SLC4A5: variants seen among roughly 807,000 people sequenced by gnomAD.
SLC4A5 encodes the protein electrogenic sodium bicarbonate cotransporter 4.
Under a neutral mutation model 120.4 loss-of-function variants are expected in SLC4A5, and 96 were observed. That is an observed-to-expected ratio of 0.80 (90% CI 0.68 to 0.94). The LOEUF (loss-of-function observed/expected upper bound fraction) is 0.94, where lower values mean the gene tolerates loss of function less well. Ranked by LOEUF, SLC4A5 falls within the 40% of genes least tolerant of loss-of-function variation. The pLI, the probability that SLC4A5 is intolerant of heterozygous loss-of-function variation, is 0.00. For missense variants in SLC4A5, 1,259 were observed against 1,459.5 expected (o/e 0.86, Z 2.24); for synonymous variants, 550 against 571.1 (o/e 0.96, Z 0.53).
At chr2:74,334,571 C>T (rs192756683) in intron 3 of SLC4A5, among the ~76,000 whole-genome samples, 24 of 152,152 alleles carry the variant, frequency 1.6e-4, no homozygotes, top group South Asian at 6.2e-4. Context: ...TCCAAAACCA[C>T]AGTATGTGTT....
At chr2:74,271,253 A>T (rs987805537) in intron 8 of SLC4A5, among the ~76,000 whole-genome samples, 2 of 152,158 alleles carry the variant, frequency 1.3e-5, no homozygotes, top group Non-Finnish European at 2.9e-5. Flanking sequence ...AGCCTCTGCC[A>T]GTTATTCTGC....
intron 2 of SLC4A5, among the ~76,000 whole-genome samples, chr2:74,341,644 C>T (rs1673629437): frequency 6.6e-6 from 1 of 152,228 alleles, no homozygotes; most frequent in Non-Finnish European, 1.5e-5. Context: ...TGTGCTCACA[C>T]TGTGCCCGAC....
At chr2:74,324,422 A>C (rs1673171000) in intron 5 of SLC4A5, among the ~76,000 whole-genome samples, 1 of 152,116 alleles carries the variant, frequency 6.6e-6, no homozygotes, top group Admixed American at 6.5e-5. Flanking sequence ...AGCTCCAGAA[A>C]GCTTGTTAAA....
intron 19 of SLC4A5, among the ~76,000 whole-genome samples, chr2:74,246,738 T>C (rs1051790202): frequency 6.6e-6 from 1 of 152,180 alleles, no homozygotes; most frequent in Non-Finnish European, 1.5e-5. Context: ...AACCCCTGAG[T>C]GGCACTCCTG....
Position 74,342,540 on chromosome 2 carries a change from TGGAG to T in SLC4A5, c.-346-10_-346-7del, listed in dbSNP as rs1480556621. On this transcript the variant is annotated splice_region_variant and splice_polypyrimidine_tract_variant and intron_variant, in intron 1 of 30. Transcript: ENST00000394019. ...AATTCCAAATCCTGGGATGCCTGCT[TGGAG>T]GGAGGGTAAAACACCATTTCTCAGG... 1.3e-5 allele frequency: 2 copies of T among 152,146 alleles called. No homozygotes were observed. Among genetic ancestry groups the T allele is most frequent in the Non-Finnish European group, 2.9e-5 (2 of 68,058 alleles). 9.4% of individuals were successfully genotyped at this position (152,146 alleles called of 1,614,324 possible). A position where few individuals can be genotyped will look rare whatever the true frequency, so the allele number is the denominator to read the frequency against.
chr2:74,231,642 C>T (rs1298412746), intron 24 of SLC4A5, among the ~76,000 whole-genome samples: 1 of 152,222 alleles, frequency 6.6e-6, no homozygotes, highest in African/African-American at 2.4e-5. Flanking sequence ...GCCTGCCCAT[C>T]TTGAGCCTCA....
intron 6 of SLC4A5, among the ~76,000 whole-genome samples, chr2:74,305,390 G>A (rs1672609901): frequency 6.6e-6 from 1 of 152,066 alleles, no homozygotes; most frequent in Non-Finnish European, 1.5e-5. Context: ...AAGATTTACA[G>A]AATTATTGAG....
At chr2:74,258,765 T>C (rs1214807792) in intron 12 of SLC4A5, among the ~76,000 whole-genome samples, 2 of 152,174 alleles carry the variant, frequency 1.3e-5, no homozygotes, top group African/African-American at 2.4e-5. Flanking sequence ...GCTTAAATAT[T>C]GATTGATTTT....
chr2:74,339,027 A>T (rs1183193605), intron 2 of SLC4A5, 124 bp from the exon 3 acceptor site: 1 of 152,190 alleles, frequency 6.6e-6, no homozygotes, highest in African/African-American at 2.4e-5. Flanking sequence ...GGCACATGGT[A>T]AGCATTCAGG....
At chr2:74,317,449 A>G (rs1446843657) in intron 5 of SLC4A5, among the ~76,000 whole-genome samples, 2 of 152,188 alleles carry the variant, frequency 1.3e-5, no homozygotes, top group African/African-American at 4.8e-5. Flanking sequence ...ATCAGAGGCA[A>G]TAGGGATATC....
intron 23 of SLC4A5, among the ~76,000 whole-genome samples, chr2:74,233,180 G>A (rs947026208): frequency 6.6e-6 from 1 of 152,204 alleles, no homozygotes; most frequent in Non-Finnish European, 1.5e-5. Context: ...CAGTGGCCCA[G>A]CCTAGTTTGG....
intron 7 of SLC4A5, among the ~76,000 whole-genome samples, chr2:74,293,239 T>A (rs1672228797): frequency 6.6e-6 from 1 of 152,182 alleles, no homozygotes; most frequent in Non-Finnish European, 1.5e-5. Flanking sequence ...TAGAAGGCTG[T>A]ATACAAACTC....
At chr2:74,338,368 G>A (rs1673544973) in intron 3 of SLC4A5, among the ~76,000 whole-genome samples, 1 of 152,154 alleles carries the variant, frequency 6.6e-6, no homozygotes, top group Admixed American at 6.5e-5. Flanking sequence ...GCACCACAAT[G>A]AAATACCATT....
At chr2:74,303,851 A>ATTT (rs11287779) in intron 7 of SLC4A5, among the ~76,000 whole-genome samples, 1 of 143,532 alleles carries the variant, frequency 7.0e-6, no homozygotes, top group Non-Finnish European at 1.5e-5. Context: ...CATTATTATT[A>ATTT]TTTTTTTTTT....
At chr2:74,331,905 T>A (rs1402580856) in intron 4 of SLC4A5, among the ~76,000 whole-genome samples, 1 of 152,140 alleles carries the variant, frequency 6.6e-6, no homozygotes, top group East Asian at 1.9e-4. Context: ...TTCCTCCTTC[T>A]GGGAACAGCC....
At chr2:74,340,194 A>G (rs1027504613) in intron 2 of SLC4A5, among the ~76,000 whole-genome samples, 5 of 152,228 alleles carry the variant, frequency 3.3e-5, no homozygotes, top group Admixed American at 1.3e-4. Flanking sequence ...AAAATGGTCA[A>G]TCTTATGCTT....
chr2:74,253,261 G>T, intron 14 of SLC4A5, 133 bp from the exon 15 acceptor site: 2 of 1,064,182 alleles, frequency 1.9e-6, no homozygotes, highest in Non-Finnish European at 2.7e-6. Flanking sequence ...TCAGTTTTTG[G>T]AATGAGACTA....
chr2:74,258,727 T>G (rs1671045171), intron 12 of SLC4A5, among the ~76,000 whole-genome samples: 1 of 152,234 alleles, frequency 6.6e-6, no homozygotes, highest in Non-Finnish European at 1.5e-5. Context: ...AGAAAATGCC[T>G]GGCACAGTGT....
intron 7 of SLC4A5, among the ~76,000 whole-genome samples, chr2:74,300,152 T>A (rs968946796): frequency 4.6e-5 from 7 of 152,198 alleles, no homozygotes; most frequent in African/African-American, 1.4e-4. Context: ...ATGTGGAATC[T>A]GAAAAAGTTG....
Sources: allele counts gnomAD v4.1 joint callset (sites outside exome capture counted in the v4.1 genomes callset), GRCh38; gene constraint gnomAD v4.1.1; transcripts MANE v1.5; gene names NCBI Gene and HGNC (gene_info 2026-07-23, HGNC 2026-07-21).